The following PLPP3 variants were observed in gnomAD, a reference collection of about 807,000 sequenced individuals.
PLPP3 encodes PAP2 beta.
PLPP3 carries 6 observed loss-of-function variants against 29.6 expected under a neutral mutation model. The ratio of observed to expected loss-of-function variants is 0.20; its 90% CI spans 0.11 to 0.40. The LOEUF is 0.40. Among genes scored for constraint, PLPP3 ranks in the 10% least tolerant of loss-of-function variants. The pLI is 1.00. For missense variants in PLPP3, 308 were observed against 407.7 expected, an observed-to-expected ratio of 0.76 and a Z score of 2.11; for synonymous variants, 152 against 159.7, an observed-to-expected ratio of 0.95 and a Z score of 0.36.
At chr1:56,573,057 T>C (rs533866617) in intron 1 of PLPP3, among the ~76,000 whole-genome samples, 51 of 152,346 alleles carry the variant, frequency 3.3e-4, no homozygotes, top group African/African-American at 1.2e-3. Context: ...GCTTATTTTA[T>C]CTTCTAAAGG....
intron 1 of PLPP3, among the ~76,000 whole-genome samples, chr1:56,578,409 G>C (rs951120286): frequency 3.9e-5 from 6 of 152,136 alleles, no homozygotes; most frequent in African/African-American, 1.2e-4. Context: ...AAGGCGGAAG[G>C]GCTGGATGTT....
At chr1:56,549,507 G>A (rs1646024891) in intron 1 of PLPP3, among the ~76,000 whole-genome samples, 1 of 152,176 alleles carries the variant, frequency 6.6e-6, no homozygotes, top group Non-Finnish European at 1.5e-5. Context: ...CAAAATGAAA[G>A]GGCTGGTTTT....
chr1:56,514,071 T>A (rs867334736), intron 4 of PLPP3, among the ~76,000 whole-genome samples: 1 of 149,850 alleles, frequency 6.7e-6, no homozygotes, highest in Non-Finnish European at 1.5e-5. Context: ...AAATTAAATT[T>A]AAAAAAAAAG....
chr1:56,524,014 G>T lies in PLPP3; in HGVS notation c.576-134C>A. On this transcript the variant is annotated intron_variant, in intron 3 of 5. Transcript: ENST00000371250. The surrounding 1 kb of genome is among the most constrained non-coding windows in gnomAD (Gnocchi z 4.3). The stretch of plus-strand genomic sequence containing the variant: ...CCTGTTCATTTTTGCATCCTTGGTA[G>T]TGCTTTGGACCCATGCCTGGAACAT... 9.2e-7 allele frequency: 1 copy of T among 1,090,728 alleles called. No individual in the cohort carries two copies. The highest frequency in any genetic ancestry group is 1.3e-6 in the Non-Finnish European group (1 of 747,832). 67.6% of individuals were successfully genotyped at this position (1,090,728 alleles called of 1,614,324 possible). A position where few individuals can be genotyped will look rare whatever the true frequency, so the allele number is the denominator to read the frequency against.
chr1:56,500,821 A>G (rs1049911902), intron 5 of PLPP3, among the ~76,000 whole-genome samples: 4 of 152,156 alleles, frequency 2.6e-5, no homozygotes, highest in Admixed American at 6.5e-5. Flanking sequence ...CCTGGCCAAC[A>G]TGGTGAAACC....
chr1:56,566,688 A>C (rs1418764663), intron 1 of PLPP3, among the ~76,000 whole-genome samples: 1 of 152,228 alleles, frequency 6.6e-6, no homozygotes, highest in African/African-American at 2.4e-5. Flanking sequence ...GTGAGATATC[A>C]TGTGAAGCAC....
intron 5 of PLPP3, among the ~76,000 whole-genome samples, chr1:56,502,089 A>T (rs910295347): frequency 6.6e-6 from 1 of 152,216 alleles, no homozygotes; most frequent in Non-Finnish European, 1.5e-5. Flanking sequence ...AGAACCAAGT[A>T]CACCAGAAAT....
intron 5 of PLPP3, among the ~76,000 whole-genome samples, chr1:56,497,310 C>T (rs1320995720): frequency 6.6e-6 from 1 of 152,180 alleles, no homozygotes; most frequent in Non-Finnish European, 1.5e-5. Context: ...GGGGATGTGA[C>T]CTCACTGAGT....
At chr1:56,508,387 G>A (rs1259745985) in intron 5 of PLPP3, among the ~76,000 whole-genome samples, 1 of 152,178 alleles carries the variant, frequency 6.6e-6, no homozygotes, top group Non-Finnish European at 1.5e-5. Context: ...GCAAATGTCA[G>A]CGAAGATTAC....
chr1:56,570,298 C>T (rs948689228), intron 1 of PLPP3, among the ~76,000 whole-genome samples: 1 of 152,144 alleles, frequency 6.6e-6, no homozygotes, highest in African/African-American at 2.4e-5. Context: ...TTTAGGGATA[C>T]ATAAACAGGA....
rs74594184 is a variant in PLPP3 at position 56,524,050 on chromosome 1, T to A, written c.576-170A>T. On this transcript the variant is annotated intron_variant, in intron 3 of 5. Coordinates refer to ENST00000371250, the MANE Select transcript of PLPP3 (RefSeq NM_003713.5). The surrounding 1 kb of genome is among the most constrained non-coding windows in gnomAD (Gnocchi z 4.3). ...CCATGCCTGGAACATAGCAGGCACC[T>A]ATGAATTCATGAATAAACAAAAGAA... Among the ~76,000 whole-genome samples the A allele has an allele frequency of 2.0e-5, 3 of 152,130 alleles. No homozygotes were observed. The highest frequency in any genetic ancestry group is 7.2e-5 in the African/African-American group (3 of 41,424).
chr1:56,544,751 C>T (rs1005478766), intron 1 of PLPP3, among the ~76,000 whole-genome samples: 2 of 152,150 alleles, frequency 1.3e-5, no homozygotes, highest in Non-Finnish European at 2.9e-5. Context: ...TATGTCTATT[C>T]ACATATTAGC....
chr1:56,556,165 G>A (rs967166615), intron 1 of PLPP3, among the ~76,000 whole-genome samples: 6 of 152,196 alleles, frequency 3.9e-5, no homozygotes, highest in African/African-American at 1.4e-4. Flanking sequence ...TCATGTTGAA[G>A]TGGTCACCCC....
intron 4 of PLPP3, among the ~76,000 whole-genome samples, chr1:56,519,527 C>T (rs545655848): frequency 1.1e-4 from 16 of 152,118 alleles, no homozygotes; most frequent in South Asian, 4.1e-4. Context: ...ATGTTGGATG[C>T]ACAGGTGAGT....
In PLPP3 at chr1:56,557,008, A is replaced by AG. The variant is rs1646083171; in HGVS notation, c.140-19897_140-19896insC. On this transcript the variant is annotated intron_variant, in intron 1 of 5. Coordinates refer to ENST00000371250, the MANE Select transcript of PLPP3 (RefSeq NM_003713.5). Reference sequence around the variant, plus strand: ...AAAGAAAGAAAGAAAGAAAGAAAGAAAGAGAGAGAGAGAGAGAAAGAGAGA... The same window carrying AG: ...AAAGAAAGAAAGAAAGAAAGAAAGAAGAGAGAGAGAGAGAGAGAAAGAGAGA... Among the ~76,000 whole-genome samples, 85 of 13,742 alleles carry AG rather than the reference A, an allele frequency of 6.2e-3. 4 individuals are homozygous for AG. Among genetic ancestry groups the AG allele is most frequent in the African/African-American group, 0.016 (69 of 4,438 alleles). The allele number at this position is 13,742 out of a possible 152,430, so 9.0% of individuals were successfully genotyped here.
chr1:56,497,435 C>A (rs1353087469), intron 5 of PLPP3, among the ~76,000 whole-genome samples: 2 of 152,178 alleles, frequency 1.3e-5, no homozygotes, highest in Non-Finnish European at 2.9e-5. Context: ...GTTTGATGAG[C>A]TACTGGAGTA....
chr1:56,503,508 G>GAGAA (rs1264665003), intron 5 of PLPP3, among the ~76,000 whole-genome samples: 1 of 152,114 alleles, frequency 6.6e-6, no homozygotes, highest in Non-Finnish European at 1.5e-5. Flanking sequence ...GACCAACATG[G>GAGAA]AGAAACCCTG....
chr1:56,501,696 G>A (rs1194122221), intron 5 of PLPP3, among the ~76,000 whole-genome samples: 4 of 152,138 alleles, frequency 2.6e-5, no homozygotes, highest in African/African-American at 9.7e-5. Context: ...TCAAGAGCAT[G>A]AGTACACACA....
At chr1:56,570,866 TC>T (rs1309298899) in intron 1 of PLPP3, among the ~76,000 whole-genome samples, 1 of 152,224 alleles carries the variant, frequency 6.6e-6, no homozygotes, top group African/African-American at 2.4e-5. Flanking sequence ...TCAGCAGTGA[TC>T]TTGGTAATAA....
Sources: allele counts gnomAD v4.1 joint callset (sites outside exome capture counted in the v4.1 genomes callset), GRCh38; gene constraint gnomAD v4.1.1; non-coding constraint Gnocchi (gnomAD v3.1); transcripts MANE v1.5; gene names NCBI Gene and HGNC (gene_info 2026-07-23, HGNC 2026-07-21).